Variants in SNX25 observed in about 807,000 individuals in gnomAD.
The protein encoded by SNX25 is sorting nexin-25.
Under a neutral mutation model 113.7 loss-of-function variants are expected in SNX25, and 62 were observed. The observed-to-expected ratio is 0.55, with a 90% CI of 0.44 to 0.67. SNX25 has a LOEUF of 0.67. Among genes scored for constraint, SNX25 ranks in the 30% least tolerant of loss-of-function variants. SNX25 has a pLI of 0.00. For missense variants in SNX25, 1,014 were observed against 1,161.0 expected (o/e 0.87, Z 1.84); for synonymous variants, 421 against 436.2 (o/e 0.97, Z 0.43).
rs557607452 is a variant in SNX25, at chr4:185,238,132, T to C, written c.430-9162T>C. 2.0e-5 allele frequency among the ~76,000 whole-genome samples: 3 copies of C among 151,984 alleles called. No homozygotes were observed. In the East Asian group the frequency reaches 5.8e-4, roughly 29 times the overall value. On this transcript the variant is annotated intron_variant, in intron 1 of 18. Transcript: ENST00000652585. ...GTAGTTGCAATCCCCTTCACACATT[T>C]AGAGTCCTTGTCAGGCCCCTATCAT... is the stretch of plus-strand genomic sequence containing the variant.
intron 1 of SNX25, among the ~76,000 whole-genome samples, chr4:185,219,907 T>TG (rs1245947363): frequency 7.2e-6 from 1 of 138,652 alleles, no homozygotes; most frequent in African/African-American, 3.1e-5. Flanking sequence ...GAGTTGTTAA[T>TG]CTTTTTTTTT....
At chr4:185,217,607 C>T (rs566043211) in intron 1 of SNX25, among the ~76,000 whole-genome samples, 2 of 152,312 alleles carry the variant, frequency 1.3e-5, no homozygotes, top group African/African-American at 2.4e-5. Flanking sequence ...GTTTTTGAAG[C>T]ATACGATGTC....
chr4:185,360,038 A>T lies in SNX25; in HGVS notation c.2652-1886A>T, dbSNP rs539261044. Among the ~76,000 whole-genome samples the T allele has an allele frequency of 2.6e-4, 40 of 152,332 alleles. No individual in the cohort carries two copies. The South Asian group carries it at 4.1e-3, about 16-fold the overall frequency. On this transcript the variant is annotated intron_variant, in intron 16 of 18. Transcript: ENST00000652585. Reference sequence around the variant, plus strand: ...TGTCTCTTGCCTTGCAGTAACTACAATTTCACATGCTAGAATTGCTTCAAA... The same window carrying T: ...TGTCTCTTGCCTTGCAGTAACTACATTTTCACATGCTAGAATTGCTTCAAA...
intron 7 of SNX25, among the ~76,000 whole-genome samples, chr4:185,320,465 A>C (rs2095111058): frequency 6.6e-6 from 1 of 152,094 alleles, no homozygotes; most frequent in South Asian, 2.1e-4. Context: ...AACACACACC[A>C]GGGCCTATTG....
At chr4:185,280,641 A>G (rs1003196155) in intron 5 of SNX25, among the ~76,000 whole-genome samples, 2 of 152,230 alleles carry the variant, frequency 1.3e-5, no homozygotes, top group African/African-American at 2.4e-5. Context: ...GCCACCTACA[A>G]AGTAAACAGG....
At chr4:185,224,354 A>AAT (rs952655691) in intron 1 of SNX25, among the ~76,000 whole-genome samples, 13 of 146,732 alleles carry the variant, frequency 8.9e-5, no homozygotes, top group African/African-American at 2.7e-4. Flanking sequence ...TCCATCTCAA[A>AAT]ATATATATAT....
intron 1 of SNX25, among the ~76,000 whole-genome samples, chr4:185,217,430 A>G (rs1270051146): frequency 6.6e-6 from 1 of 152,192 alleles, no homozygotes; most frequent in Non-Finnish European, 1.5e-5. Context: ...GGGTCCTAAC[A>G]TTCCTTTTAA....
At chr4:185,231,452 G>A (rs143806079) in intron 1 of SNX25, among the ~76,000 whole-genome samples, 1,554 of 151,422 alleles carry the variant, frequency 0.01, 29 homozygotes, top group African/African-American at 0.036. Context: ...GCTCACACCT[G>A]TAATCCCAGC....
intron 3 of SNX25, among the ~76,000 whole-genome samples, chr4:185,260,169 C>T (rs924124804): frequency 6.6e-6 from 1 of 151,628 alleles, no homozygotes; most frequent in East Asian, 1.9e-4. Flanking sequence ...TTAAGACCAA[C>T]TCAATTTTAT....
chr4:185,300,921 T>TA (rs1443526447), intron 6 of SNX25, among the ~76,000 whole-genome samples: 3 of 151,072 alleles, frequency 2.0e-5, no homozygotes, highest in East Asian at 3.9e-4. Context: ...TAGCCCTTGT[T>TA]ACAGTGTTTT....
At chr4:185,293,405 ATG>A (rs1203377169) in intron 6 of SNX25, among the ~76,000 whole-genome samples, 2 of 152,248 alleles carry the variant, frequency 1.3e-5, no homozygotes, top group Non-Finnish European at 2.9e-5. Context: ...GGTAAACAAA[ATG>A]TGGTATATCC....
intron 1 of SNX25, among the ~76,000 whole-genome samples, chr4:185,215,989 G>A (rs935219341): frequency 2.6e-5 from 4 of 152,128 alleles, no homozygotes; most frequent in Admixed American, 6.5e-5. Flanking sequence ...TAGAGACGGG[G>A]TTTTGCTATG....
At chr4:185,222,420 T>G (rs978159712) in intron 1 of SNX25, among the ~76,000 whole-genome samples, 2 of 150,878 alleles carry the variant, frequency 1.3e-5, no homozygotes, top group Non-Finnish European at 3.0e-5. Flanking sequence ...TCCCTCTCGG[T>G]AGGTATTCAG....
upstream of SNX25, among the ~76,000 whole-genome samples, chr4:185,208,334 A>T (rs761704864): frequency 4.6e-5 from 7 of 152,100 alleles, no homozygotes; most frequent in Non-Finnish European, 1.0e-4. Flanking sequence ...TTAAAAAAGG[A>T]GGAGAAAGGA....
chr4:185,238,660 T>C (rs1743021706), intron 1 of SNX25, among the ~76,000 whole-genome samples: 1 of 152,186 alleles, frequency 6.6e-6, no homozygotes, highest in Admixed American at 6.5e-5. Flanking sequence ...ATGATGATTT[T>C]TGGGGAGTTT....
At chr4:185,303,868 G>A (rs1424848675) in intron 6 of SNX25, among the ~76,000 whole-genome samples, 1 of 152,164 alleles carries the variant, frequency 6.6e-6, no homozygotes, top group Admixed American at 6.5e-5. Context: ...GGTGTTTAGA[G>A]TGGTAAGAGA....
chr4:185,235,926 G>C (rs1430001440), intron 1 of SNX25, among the ~76,000 whole-genome samples: 3 of 152,174 alleles, frequency 2.0e-5, no homozygotes, highest in Non-Finnish European at 1.5e-5. Context: ...AGAGAGTGCA[G>C]TCCTGATAAA....
intron 10 of SNX25, among the ~76,000 whole-genome samples, chr4:185,335,095 A>G (rs990801655): frequency 6.6e-6 from 1 of 152,148 alleles, no homozygotes; most frequent in Non-Finnish European, 1.5e-5. Flanking sequence ...CAAGGCAGGC[A>G]GATGACCTGA....
intron 1 of SNX25, among the ~76,000 whole-genome samples, chr4:185,214,026 T>C (rs1441064022): frequency 3.3e-5 from 5 of 151,954 alleles, no homozygotes; most frequent in African/African-American, 9.7e-5. Context: ...ACCCCTACTT[T>C]CCTAAGAGAT....
Sources: gnomAD v4.1 joint callset for allele counts (sites outside exome capture counted in the v4.1 genomes callset) on GRCh38, gnomAD v4.1.1 for gene constraint, MANE v1.5 for transcripts, NCBI Gene and HGNC (gene_info 2026-07-23, HGNC 2026-07-21) for gene names.